Variants in KCNK9 observed in about 807,000 individuals in gnomAD.
The protein encoded by KCNK9 is potassium two pore domain channel subfamily K member 9, also known as potassium channel subfamily K member 9.
A neutral mutation model predicts 10.8 loss-of-function variants in KCNK9; 1 was observed. That is an observed-to-expected ratio of 0.09 (90% confidence interval 0.03 to 0.44). The LOEUF (loss-of-function observed/expected upper bound fraction) is 0.44, where lower values mean the gene tolerates loss of function less well. KCNK9 is among the 20% of genes least tolerant of loss of function. KCNK9 has a pLI of 0.97. For synonymous variants in KCNK9, 231 were observed against 222.7 expected (o/e 1.04, Z -0.33); for missense variants, 303 against 515.0 (o/e 0.59, Z 3.98).
intron 1 of KCNK9, among the ~76,000 whole-genome samples, chr8:139,671,447 C>T (rs1008462932): frequency 6.6e-5 from 10 of 152,024 alleles, no homozygotes; most frequent in South Asian, 2.1e-4. Context: ...TGAGTCCCTG[C>T]GTGGCCAGCA....
chr8:139,659,210 T>C (rs934024746), intron 1 of KCNK9, among the ~76,000 whole-genome samples: 1 of 152,210 alleles, frequency 6.6e-6, no homozygotes, highest in African/African-American at 2.4e-5. Flanking sequence ...AGGGACTTGC[T>C]AAAGGTCCCT....
chr8:139,682,188 G>A (rs925173268), intron 1 of KCNK9, among the ~76,000 whole-genome samples: 1 of 152,190 alleles, frequency 6.6e-6, no homozygotes, highest in African/African-American at 2.4e-5. Context: ...TTGCTTTTCT[G>A]AAAGACCTAG....
At chr8:139,624,637 A>AGCCCC (rs1814906763) in intron 1 of KCNK9, among the ~76,000 whole-genome samples, 1 of 152,130 alleles carries the variant, frequency 6.6e-6, no homozygotes, top group African/African-American at 2.4e-5. Flanking sequence ...AGCTCAGCCC[A>AGCCCC]GCCCCATGTC....
rs1814658473 is a variant in KCNK9 at position 139,618,197 on chromosome 8, C to A, written c.*61G>T. 6.2e-7 allele frequency: 1 copy of A among 1,600,566 alleles called. No homozygotes were observed. Among genetic ancestry groups the A allele is most frequent in the African/African-American group, 1.3e-5 (1 of 74,600 alleles). The stretch of plus-strand genomic sequence containing the variant: ...AATAAATAAGAAAAGACGAGTTGGA[C>A]CAATGGAAATTAACACCAACTATGA... On this transcript the variant is annotated 3_prime_UTR_variant, in exon 2 of 2. Coordinates refer to ENST00000520439, the MANE Select transcript of KCNK9 (RefSeq NM_001282534.2). The surrounding 1 kb of genome is among the most constrained non-coding windows in gnomAD (Gnocchi z 7.9).
At chr8:139,620,081 G>A (rs754729900) in intron 1 of KCNK9, among the ~76,000 whole-genome samples, 11 of 152,226 alleles carry the variant, frequency 7.2e-5, no homozygotes, top group Non-Finnish European at 1.3e-4. Flanking sequence ...TTGAATAGGT[G>A]AAGTCAGCTG....
At chr8:139,629,345 A>C (rs1044490175) in intron 1 of KCNK9, among the ~76,000 whole-genome samples, 9 of 152,180 alleles carry the variant, frequency 5.9e-5, no homozygotes, top group Non-Finnish European at 1.0e-4. Flanking sequence ...CCAAACACCA[A>C]AGAAATCTGT....
chr8:139,663,682 T>TGTGTGTGTGTGTGTG (rs1554624294), intron 1 of KCNK9, among the ~76,000 whole-genome samples: 24 of 145,808 alleles, frequency 1.6e-4, no homozygotes, highest in South Asian at 4.5e-4. Context: ...TGTGTGTGTG[T>TGTGTGTGTGTGTGTG]TAGAGAGAGA....
chr8:139,638,997 T>C (rs1815418523), intron 1 of KCNK9, among the ~76,000 whole-genome samples: 1 of 152,082 alleles, frequency 6.6e-6, no homozygotes, highest in African/African-American at 2.4e-5. Flanking sequence ...GCCTTTTTCC[T>C]ACCCATGTCC....
rs1815482082 is a variant in KCNK9 at position 139,640,767 on chromosome 8, C to T, written c.284-21668G>A. On this transcript the variant is annotated intron_variant, in intron 1 of 1. Transcript: ENST00000520439. ...TCCCACCATCTTCATTTCTACCGCCCTCTGGCTGAAATTTAGCATTTCTTG... is the reference window on the plus strand; with the variant it reads ...TCCCACCATCTTCATTTCTACCGCCTTCTGGCTGAAATTTAGCATTTCTTG... Among the ~76,000 whole-genome samples, 4 of 152,222 alleles carry T rather than the reference C, an allele frequency of 2.6e-5. No homozygotes were observed. In the South Asian group the frequency reaches 8.3e-4, roughly 32 times the overall value.
chr8:139,665,766 C>T (rs1001275628), intron 1 of KCNK9, among the ~76,000 whole-genome samples: 5 of 152,208 alleles, frequency 3.3e-5, no homozygotes, highest in Non-Finnish European at 7.3e-5. Flanking sequence ...CCTTCTCAAA[C>T]TTGAATGTGT....
At chr8:139,646,625 T>C (rs1010926407) in intron 1 of KCNK9, among the ~76,000 whole-genome samples, 3 of 152,242 alleles carry the variant, frequency 2.0e-5, no homozygotes, top group African/African-American at 7.2e-5. Context: ...TACCATGTTT[T>C]TATTGCTGGG....
rs548372440 is a variant in KCNK9 at position 139,628,979 on chromosome 8, T to C, written c.284-9880A>G. Reference sequence around the variant, plus strand: ...TCCCTGGTTGACCCATGGTTATCACTGACCCAGCACCGCTTGCAGTGGCCT... The same window carrying C: ...TCCCTGGTTGACCCATGGTTATCACCGACCCAGCACCGCTTGCAGTGGCCT... On this transcript the variant is annotated intron_variant, in intron 1 of 1. Transcript: ENST00000520439. Among the ~76,000 whole-genome samples the C allele has an allele frequency of 5.9e-5, 9 of 152,322 alleles. No individual in the cohort carries two copies. The South Asian group carries it at 1.9e-3, about 32-fold the overall frequency.
At chr8:139,636,612 G>C (rs1388957822) in intron 1 of KCNK9, among the ~76,000 whole-genome samples, 2 of 152,220 alleles carry the variant, frequency 1.3e-5, no homozygotes, top group Non-Finnish European at 2.9e-5. Flanking sequence ...GAAGGGCAGA[G>C]CGAGGACCCC....
chr8:139,655,161 C>T (rs544060883), intron 1 of KCNK9, among the ~76,000 whole-genome samples: 8 of 152,166 alleles, frequency 5.3e-5, no homozygotes, highest in Admixed American at 1.3e-4. Context: ...CTGACAGTGA[C>T]GAGGGAATGG....
intron 1 of KCNK9, among the ~76,000 whole-genome samples, chr8:139,626,313 A>G (rs1301302807): frequency 6.6e-6 from 1 of 152,136 alleles, no homozygotes; most frequent in African/African-American, 2.4e-5. Flanking sequence ...TTCAGGGGAG[A>G]GGTAGACAGA....
chr8:139,634,896 G>A (rs1034840517), intron 1 of KCNK9, among the ~76,000 whole-genome samples: 4 of 152,124 alleles, frequency 2.6e-5, no homozygotes, highest in East Asian at 3.9e-4. Flanking sequence ...AGAGCTTCTG[G>A]GACTTCATCT....
chr8:139,638,649 T>G (rs1815406836), intron 1 of KCNK9, among the ~76,000 whole-genome samples: 1 of 152,126 alleles, frequency 6.6e-6, no homozygotes, highest in South Asian at 2.1e-4. Flanking sequence ...CTGGGGATAG[T>G]CCCTACCAGC....
At position 139,702,325 on chromosome 8, in the gene KCNK9, G is replaced by A. The variant is rs1586703661; in HGVS notation, c.283+385C>T. 6.6e-6 allele frequency among the ~76,000 whole-genome samples: 1 copy of A among 152,192 alleles called. No homozygotes were observed. Among genetic ancestry groups the A allele is most frequent in the Admixed American group, 6.5e-5 (1 of 15,290 alleles). ...TCTCCAACTCCCAGAGAGGTAGTAA[G>A]TGTAAGGCTCAGAGCCCCGCGCAGC... On this transcript the variant is annotated intron_variant, in intron 1 of 1. Transcript: ENST00000520439. The surrounding 1 kb of genome is among the most constrained non-coding windows in gnomAD (Gnocchi z 7.5).
At chr8:139,614,966 C>G (rs1281004700), downstream of KCNK9, among the ~76,000 whole-genome samples, 3 of 152,228 alleles carry the variant, frequency 2.0e-5, no homozygotes, top group East Asian at 5.8e-4. Flanking sequence ...TGAGCTCATT[C>G]TAACAGAAGT....
Sources: allele counts gnomAD v4.1 joint callset (sites outside exome capture counted in the v4.1 genomes callset), GRCh38; gene constraint gnomAD v4.1.1; non-coding constraint Gnocchi (gnomAD v3.1); transcripts MANE v1.5; gene names NCBI Gene and HGNC (gene_info 2026-07-23, HGNC 2026-07-21).